PBLD: variants seen among roughly 807,000 people sequenced by gnomAD.
PBLD encodes phenazine biosynthesis like protein domain containing, also known as phenazine biosynthesis-like domain-containing protein.
A neutral mutation model predicts 31.3 loss-of-function variants in PBLD; 26 were observed. The observed-to-expected ratio is 0.83, with a 90% CI of 0.61 to 1.15. PBLD has a LOEUF of 1.15. Ranked by LOEUF, PBLD falls within the 50% of genes most tolerant of loss-of-function variation. The pLI, the probability that PBLD is intolerant of heterozygous loss-of-function variation, is 0.00. For missense variants in PBLD, 307 were observed against 351.7 expected, an observed-to-expected ratio of 0.87 and a Z score of 1.02; for synonymous variants, 114 against 129.0, an observed-to-expected ratio of 0.88 and a Z score of 0.79.
chr10:68,324,196 G>A (rs568975942), intron 1 of PBLD, among the ~76,000 whole-genome samples: 5 of 151,588 alleles, frequency 3.3e-5, no homozygotes, highest in Admixed American at 6.6e-5. Flanking sequence ...ACAGGTGTGC[G>A]CCACCATGCC....
At chr10:68,313,364 G>A (rs1305661809) in intron 1 of PBLD, among the ~76,000 whole-genome samples, 1 of 151,706 alleles carries the variant, frequency 6.6e-6, no homozygotes, top group Non-Finnish European at 1.5e-5. Flanking sequence ...TCTATTTTTT[G>A]TTTTGTTGCC....
intron 1 of PBLD, among the ~76,000 whole-genome samples, chr10:68,327,062 CAAT>C (rs1186359805): frequency 6.6e-6 from 1 of 150,752 alleles, no homozygotes; most frequent in Non-Finnish European, 1.5e-5. Flanking sequence ...ACAACAACAA[CAAT>C]AAAAAAAAAA....
chr10:68,306,361 T>C (rs2044579091), intron 2 of PBLD, among the ~76,000 whole-genome samples: 1 of 152,204 alleles, frequency 6.6e-6, no homozygotes, highest in East Asian at 1.9e-4. Flanking sequence ...GCCTGAGCTA[T>C]AGATAAGGTT....
At chr10:68,317,039 TGAAACCAGCAAGA>T (rs1335373528) in intron 1 of PBLD, among the ~76,000 whole-genome samples, 4 of 152,012 alleles carry the variant, frequency 2.6e-5, no homozygotes, top group Non-Finnish European at 4.4e-5. Context: ...AACAGAATCT[TGAAACCAGCAAGA>T]GAGACATAAC....
intron 1 of PBLD, 78 bp from the exon 2 acceptor site, chr10:68,306,981 C>T: frequency 1.6e-6 from 1 of 623,924 alleles, no homozygotes; most frequent in East Asian, 2.8e-5. Flanking sequence ...GATACAAAGT[C>T]AAGCAATTAT....
intron 1 of PBLD, among the ~76,000 whole-genome samples, chr10:68,327,810 T>C (rs1052083574): frequency 6.6e-6 from 1 of 152,152 alleles, no homozygotes; most frequent in South Asian, 2.1e-4. Context: ...ATTATTTAAG[T>C]AGCTATCTTT....
chr10:68,314,819 T>G (rs1446859261), intron 1 of PBLD, among the ~76,000 whole-genome samples: 1 of 152,124 alleles, frequency 6.6e-6, no homozygotes, highest in Non-Finnish European at 1.5e-5. Flanking sequence ...AGACAGAGTC[T>G]CACTCTGTTG....
chr10:68,289,748 C>A (rs1204257608), intron 6 of PBLD, among the ~76,000 whole-genome samples: 1 of 151,376 alleles, frequency 6.6e-6, no homozygotes. Flanking sequence ...CCCTACTGTC[C>A]ATCATCTTTA....
At chr10:68,304,440 T>C (rs573132712) in intron 2 of PBLD, among the ~76,000 whole-genome samples, 1 of 152,370 alleles carries the variant, frequency 6.6e-6, no homozygotes, top group South Asian at 2.1e-4. Flanking sequence ...TATCTTCTTT[T>C]TCCTTCTTCC....
In PBLD at chr10:68,307,123, C is replaced by G. The variant is rs190077330; in HGVS notation, c.-59-220G>C. Reference sequence around the variant, plus strand: ...CGGCTCACTGTAACCTCCGCCTCCCCGGTTCAAGCGATTTTCCTGCCTCAG... The same window carrying G: ...CGGCTCACTGTAACCTCCGCCTCCCGGGTTCAAGCGATTTTCCTGCCTCAG... On this transcript the variant is annotated intron_variant, in intron 1 of 9. Transcript: ENST00000358769. Among the ~76,000 whole-genome samples the G allele has an allele frequency of 5.1e-3, 773 of 152,048 alleles. 5 individuals carry two copies. The highest frequency in any genetic ancestry group is 8.9e-3 in the Non-Finnish European group (606 of 67,980).
At chr10:68,297,142 G>C in intron 2 of PBLD, 157 bp from the exon 3 acceptor site, 1 of 640,564 alleles carries the variant, frequency 1.6e-6, no homozygotes, top group East Asian at 2.8e-5. Flanking sequence ...CTTTTATAAA[G>C]ATTGGTTCTC....
At chr10:68,313,154 A>G (rs1186427175) in intron 1 of PBLD, among the ~76,000 whole-genome samples, 2 of 152,112 alleles carry the variant, frequency 1.3e-5, no homozygotes, top group Non-Finnish European at 2.9e-5. Flanking sequence ...GGCTCAAGCA[A>G]TCTGCCTGCT....
At chr10:68,307,530 C>T (rs61857273) in intron 1 of PBLD, among the ~76,000 whole-genome samples, 18,877 of 151,836 alleles carry the variant, frequency 0.12, 1,598 homozygotes, top group South Asian at 0.25. Flanking sequence ...GACGGAGCAT[C>T]GCTCTGTCGT....
intron 8 of PBLD, among the ~76,000 whole-genome samples, chr10:68,285,950 G>A (rs2044281994): frequency 1.3e-5 from 2 of 151,998 alleles, no homozygotes; most frequent in East Asian, 1.9e-4. Flanking sequence ...CAAAGTGCTG[G>A]GATTACAGGT....
intron 2 of PBLD, among the ~76,000 whole-genome samples, chr10:68,305,623 C>T (rs779906963): frequency 2.0e-5 from 3 of 152,058 alleles, no homozygotes; most frequent in African/African-American, 4.8e-5. Context: ...TGCATGGTGG[C>T]GGGCACCTGT....
At chr10:68,313,000 G>A (rs554908290) in intron 1 of PBLD, among the ~76,000 whole-genome samples, 114 of 151,912 alleles carry the variant, frequency 7.5e-4, no homozygotes, top group African/African-American at 2.7e-3. Context: ...CTGCAGCCTC[G>A]ACCTCCCCAG....
At chr10:68,319,488 G>A (rs1410640650) in intron 1 of PBLD, among the ~76,000 whole-genome samples, 1 of 152,166 alleles carries the variant, frequency 6.6e-6, no homozygotes, top group Non-Finnish European at 1.5e-5. Flanking sequence ...TTCAAGATCA[G>A]CCTGGCCAAC....
At chr10:68,318,054 C>T (rs1589670141) in intron 1 of PBLD, among the ~76,000 whole-genome samples, 2 of 151,794 alleles carry the variant, frequency 1.3e-5, no homozygotes, top group South Asian at 4.2e-4. Context: ...AGGGAAACCC[C>T]GTCTCTACTG....
intron 1 of PBLD, among the ~76,000 whole-genome samples, chr10:68,314,658 C>T (rs1444079375): frequency 6.6e-5 from 10 of 151,732 alleles, no homozygotes; most frequent in Non-Finnish European, 1.0e-4. Context: ...AGTGCAGTGG[C>T]GCAATCTTGG....
Sources: gnomAD v4.1 joint callset for allele counts (sites outside exome capture counted in the v4.1 genomes callset) on GRCh38, gnomAD v4.1.1 for gene constraint, MANE v1.5 for transcripts, NCBI Gene and HGNC (gene_info 2026-07-23, HGNC 2026-07-21) for gene names.